The following PPAT variants were observed in gnomAD, a reference collection of about 807,000 sequenced individuals.
The protein encoded by PPAT is amidophosphoribosyltransferase.
Under a neutral mutation model 60.2 loss-of-function variants are expected in PPAT, and 20 were observed. The ratio of observed to expected loss-of-function variants is 0.33; its 90% CI spans 0.23 to 0.48. The LOEUF is 0.48. PPAT is among the 20% of genes least tolerant of loss of function. The probability of loss-of-function intolerance (pLI) is 0.99; values close to 1 mark genes in which losing one functional copy is unlikely to be tolerated. For missense variants in PPAT, 349 were observed against 629.6 expected, an observed-to-expected ratio of 0.55 and a Z score of 4.77; for synonymous variants, 194 against 215.1, an observed-to-expected ratio of 0.90 and a Z score of 0.86.
At chr4:56,433,039 T>TA (rs1200857385) in intron 1 of PPAT, among the ~76,000 whole-genome samples, 1 of 151,040 alleles carries the variant, frequency 6.6e-6, no homozygotes, top group African/African-American at 2.4e-5. Context: ...AAAAAGTTCT[T>TA]AGTTTTATTC....
chr4:56,425,868 T>C (rs1438194022), intron 1 of PPAT, among the ~76,000 whole-genome samples: 1 of 152,206 alleles, frequency 6.6e-6, no homozygotes, highest in African/African-American at 2.4e-5. Flanking sequence ...GGAAGCTCCG[T>C]ACAATGCAGT....
intron 3 of PPAT, among the ~76,000 whole-genome samples, chr4:56,404,466 T>G (rs1716193257): frequency 6.6e-6 from 1 of 152,202 alleles, no homozygotes; most frequent in Admixed American, 6.5e-5. Flanking sequence ...AATTACAAAG[T>G]TCTGAGCAGG....
intron 3 of PPAT, among the ~76,000 whole-genome samples, chr4:56,404,800 C>T (rs1285717101): frequency 6.6e-6 from 1 of 151,958 alleles, no homozygotes; most frequent in Non-Finnish European, 1.5e-5. Context: ...AAAGACAGAA[C>T]TAAAAAATGG....
At chr4:56,412,513 G>T (rs1357371180) in intron 1 of PPAT, among the ~76,000 whole-genome samples, 1 of 151,998 alleles carries the variant, frequency 6.6e-6, no homozygotes, top group Non-Finnish European at 1.5e-5. Context: ...TGTTGCCCTG[G>T]CTGGTCTTGA....
Position 56,407,684 on chromosome 4 carries a change from T to A in PPAT, c.161A>T (p.Asp54Val), listed in dbSNP as rs144550932. 3 of 1,606,424 alleles carry A rather than the reference T, an allele frequency of 1.9e-6. No individual in the cohort carries two copies. The highest frequency in any genetic ancestry group is 2.6e-6 in the Non-Finnish European group (3 of 1,172,802). The change falls in exon 2 of 11, where the codon GAT becomes GTT. Residue 54 changes from aspartate to valine, a missense_variant. This residue lies in a region of PPAT where 115 missense variants were observed against 174.5 expected (regional missense o/e 0.66). Transcript: ENST00000264220. ...TTTGAATGTTGGCACCGAACTCCCA[T>A]CACTAGTCACAATACCAGCACTCTC... is the stretch of plus-strand genomic sequence containing the variant. Reference protein sequence around the residue: ...GQESAGIVTSDGSSVPTFKSH... With the variant: ...GQESAGIVTSVGSSVPTFKSH...
chr4:56,416,962 G>T (rs1269209044), intron 1 of PPAT, among the ~76,000 whole-genome samples: 1 of 152,144 alleles, frequency 6.6e-6, no homozygotes, highest in African/African-American at 2.4e-5. Flanking sequence ...CAATTCTCCT[G>T]CCTCAGCCTC....
chr4:56,414,499 C>T (rs1395097833), intron 1 of PPAT, among the ~76,000 whole-genome samples: 1 of 152,220 alleles, frequency 6.6e-6, no homozygotes, highest in Non-Finnish European at 1.5e-5. Flanking sequence ...AATTTCCCCT[C>T]TATTTCACTC....
intron 1 of PPAT, chr4:56,429,040 A>T: frequency 1.7e-5 from 11 of 644,606 alleles, no homozygotes; most frequent in Non-Finnish European, 2.1e-5. Context: ...TCTTCCACAC[A>T]GTGGAAACAA....
At position 56,395,298 on chromosome 4, in the gene PPAT, A is replaced by G; in HGVS notation, c.*54T>C. ...AGTAAATAGATGAGGTGTGACCACT[A>G]TAACTTCTTGACCAACTTTCTATCT... On this transcript the variant is annotated 3_prime_UTR_variant, in exon 11 of 11. Transcript: ENST00000264220. 1 of 1,464,042 alleles carries G rather than the reference A, an allele frequency of 6.8e-7. No individual in the cohort carries two copies. The highest frequency in any genetic ancestry group is 9.4e-7 in the Non-Finnish European group (1 of 1,065,850). The allele number at this position is 1,464,042 out of a possible 1,614,324, so 90.7% of individuals were successfully genotyped here.
In PPAT at chr4:56,396,778, A is replaced by T; in HGVS notation, c.1237-39T>A. 6.3e-7 allele frequency: 1 copy of T among 1,576,274 alleles called. No individual in the cohort carries two copies. The highest frequency in any genetic ancestry group is 8.6e-7 in the Non-Finnish European group (1 of 1,162,896). On this transcript the variant is annotated intron_variant, in intron 9 of 10. Coordinates refer to ENST00000264220, the MANE Select transcript of PPAT (RefSeq NM_002703.5). This position sits in a 1 kb window ranked among gnomAD's most constrained non-coding sequence, Gnocchi z 4.6. ...CATTGCACACAAGGTTTTTAAGACT[A>T]TGCAAAATTCTTTCATTGTGCAAAT...
At chr4:56,397,542 A>G (rs1371124866) in intron 9 of PPAT, among the ~76,000 whole-genome samples, 1 of 152,124 alleles carries the variant, frequency 6.6e-6, no homozygotes. Flanking sequence ...GAGATGGGGT[A>G]TATGTTGCCC....
At chr4:56,431,778 T>C (rs1016034374) in intron 1 of PPAT, among the ~76,000 whole-genome samples, 1 of 152,222 alleles carries the variant, frequency 6.6e-6, no homozygotes, top group African/African-American at 2.4e-5. Context: ...GACTGTGTTT[T>C]AAAGATGAAA....
chr4:56,420,651 C>G (rs1463567886), intron 1 of PPAT: 1 of 152,028 alleles, frequency 6.6e-6, no homozygotes, highest in Non-Finnish European at 1.5e-5. Flanking sequence ...AAATATGCAA[C>G]CCCAGATGGC....
chr4:56,409,264 T>C (rs965697457), intron 1 of PPAT, among the ~76,000 whole-genome samples: 4 of 152,216 alleles, frequency 2.6e-5, no homozygotes, highest in Non-Finnish European at 4.4e-5. Flanking sequence ...AGGATTCCAA[T>C]GCAGACAATC....
At chr4:56,428,627 A>G (rs1427724467) in intron 1 of PPAT, among the ~76,000 whole-genome samples, 1 of 152,202 alleles carries the variant, frequency 6.6e-6, no homozygotes, top group Non-Finnish European at 1.5e-5. Flanking sequence ...TGGAATTGAC[A>G]TTAACAAAAA....
chr4:56,431,085 A>C (rs551920377), intron 1 of PPAT, among the ~76,000 whole-genome samples: 6 of 152,286 alleles, frequency 3.9e-5, no homozygotes, highest in Non-Finnish European at 8.8e-5. Context: ...CAAAGACTGG[A>C]ACAATTTGCA....
intron 1 of PPAT, among the ~76,000 whole-genome samples, chr4:56,432,787 C>CAA (rs5858378): frequency 4.9e-5 from 4 of 82,434 alleles, no homozygotes; most frequent in African/African-American, 1.6e-4. Flanking sequence ...GACTCTGTCT[C>CAA]AAAAAAAAAA....
intron 1 of PPAT, among the ~76,000 whole-genome samples, chr4:56,417,517 C>T (rs1367872681): frequency 6.6e-6 from 1 of 152,160 alleles, no homozygotes; most frequent in Non-Finnish European, 1.5e-5. Flanking sequence ...CACAGTGACT[C>T]ACACCTGTAA....
At chr4:56,425,611 TCAA>T (rs1717244640) in intron 1 of PPAT, among the ~76,000 whole-genome samples, 1 of 152,190 alleles carries the variant, frequency 6.6e-6, no homozygotes, top group South Asian at 2.1e-4. Flanking sequence ...GCACAAAGCA[TCAA>T]CAACCTTTGG....
Sources: allele counts gnomAD v4.1 joint callset (sites outside exome capture counted in the v4.1 genomes callset), GRCh38; gene constraint gnomAD v4.1.1; regional missense constraint gnomAD v4.1.1; non-coding constraint Gnocchi (gnomAD v3.1); transcripts MANE v1.5; gene names NCBI Gene and HGNC (gene_info 2026-07-23, HGNC 2026-07-21).